The following SPATA6 variants were observed in gnomAD, a reference collection of about 807,000 sequenced individuals.
SPATA6 encodes the protein spermatogenesis-associated protein 6.
SPATA6 carries 56 observed loss-of-function variants against 65.3 expected under a neutral mutation model. The observed-to-expected ratio is 0.86, with a 90% CI of 0.69 to 1.07. The LOEUF (loss-of-function observed/expected upper bound fraction) is 1.07. Ranked by LOEUF, SPATA6 falls within the 50% of genes least tolerant of loss-of-function variation. The pLI is 0.00. For synonymous variants in SPATA6, 199 were observed against 213.2 expected (o/e 0.93, Z 0.58); for missense variants, 590 against 594.8 (o/e 0.99, Z 0.08).
intron 7 of SPATA6, among the ~76,000 whole-genome samples, chr1:48,396,962 T>A (rs1453903347): frequency 5.9e-5 from 9 of 151,648 alleles, no homozygotes; most frequent in African/African-American, 2.2e-4. Context: ...CAAATTTTTT[T>A]AAAAGACAGC....
chr1:48,411,225 A>G (rs1449528203), intron 5 of SPATA6, among the ~76,000 whole-genome samples: 2 of 152,212 alleles, frequency 1.3e-5, no homozygotes, highest in Non-Finnish European at 2.9e-5. Flanking sequence ...AGATTTCAAT[A>G]TGTTTAAGTA....
chr1:48,351,103 A>G (rs1318151778), intron 11 of SPATA6, among the ~76,000 whole-genome samples: 1 of 151,936 alleles, frequency 6.6e-6, no homozygotes, highest in East Asian at 1.9e-4. Flanking sequence ...AAGCACTTAA[A>G]TTCCTGCTGC....
At chr1:48,455,814 C>T (rs1268845767) in intron 1 of SPATA6, among the ~76,000 whole-genome samples, 2 of 152,078 alleles carry the variant, frequency 1.3e-5, no homozygotes, top group Admixed American at 1.3e-4. Context: ...AAGCTCTATC[C>T]AATTTGTAAC....
Position 48,388,837 on chromosome 1 carries a change from T to C in SPATA6, c.869-3488A>G, listed in dbSNP as rs542483196. On this transcript the variant is annotated intron_variant, in intron 8 of 12. Transcript: ENST00000371847. ...GCTTCTCCTGCCTCAGTCTCCAGAG[T>C]AGCTGGGATTAGAGGCATGTGCCAC... is the stretch of plus-strand genomic sequence containing the variant. Among the ~76,000 whole-genome samples the C allele has an allele frequency of 3.3e-5, 5 of 152,124 alleles. No homozygotes were observed. The South Asian group carries it at 8.3e-4, about 25-fold the overall frequency.
intron 3 of SPATA6, among the ~76,000 whole-genome samples, chr1:48,439,023 A>G (rs1452151580): frequency 6.6e-6 from 1 of 152,178 alleles, no homozygotes; most frequent in East Asian, 1.9e-4. Context: ...GACAAAAGGC[A>G]TCACCCTTCC....
At chr1:48,465,031 A>G (rs754937134) in intron 1 of SPATA6, among the ~76,000 whole-genome samples, 2 of 152,204 alleles carry the variant, frequency 1.3e-5, no homozygotes, top group Non-Finnish European at 2.9e-5. Context: ...TACTAAAAAG[A>G]GCAAAAACAA....
intron 12 of SPATA6, among the ~76,000 whole-genome samples, chr1:48,302,782 C>T (rs573528189): frequency 6.6e-6 from 1 of 152,180 alleles, no homozygotes; most frequent in African/African-American, 2.4e-5. Context: ...ATAAGTAGAA[C>T]TTTATCAAGG....
intron 1 of SPATA6, among the ~76,000 whole-genome samples, chr1:48,468,701 C>A (rs1232216861): frequency 6.6e-6 from 1 of 151,286 alleles, no homozygotes; most frequent in Non-Finnish European, 1.5e-5. Context: ...AAAAAAGGAA[C>A]ATTGTGGGAA....
chr1:48,403,696 C>A (rs1651403779), intron 6 of SPATA6, 106 bp downstream of exon 6: 1 of 847,264 alleles, frequency 1.2e-6, no homozygotes, highest in Non-Finnish European at 1.8e-6. Context: ...ATTGACCCCC[C>A]AAAAAGTGAA....
At chr1:48,282,835 A>T in the SPATA6 span, among the ~76,000 whole-genome samples, 3 of 152,204 alleles carry the variant, frequency 2.0e-5, no homozygotes, top group African/African-American at 7.2e-5. Context: ...ATTACTCGGT[A>T]TATACCCAAA....
At chr1:48,403,113 C>G (rs1254355918) in intron 6 of SPATA6, among the ~76,000 whole-genome samples, 1 of 152,068 alleles carries the variant, frequency 6.6e-6, no homozygotes, top group Non-Finnish European at 1.5e-5. Flanking sequence ...GAGGTCAAAG[C>G]TGCATGCCAC....
At chr1:48,277,872 G>A in the SPATA6 span, among the ~76,000 whole-genome samples, 2 of 152,244 alleles carry the variant, frequency 1.3e-5, no homozygotes, top group African/African-American at 2.4e-5. Flanking sequence ...TGGGCAGACT[G>A]CCTCCTCAAG....
At chr1:48,325,072 A>G (rs149334112) in intron 11 of SPATA6, 321 of 370,000 alleles carry the variant, frequency 8.7e-4, no homozygotes, top group African/African-American at 6.4e-3. Context: ...TCCATGACCA[A>G]AAATATCATA....
chr1:48,447,650 G>A (rs1306539925), intron 3 of SPATA6, among the ~76,000 whole-genome samples: 1 of 152,114 alleles, frequency 6.6e-6, no homozygotes, highest in Non-Finnish European at 1.5e-5. Context: ...TCATAGGATA[G>A]GCCACAAACA....
intron 11 of SPATA6, among the ~76,000 whole-genome samples, chr1:48,313,174 A>G (rs540711922): frequency 6.6e-6 from 1 of 152,302 alleles, no homozygotes; most frequent in African/African-American, 2.4e-5. Flanking sequence ...CTGACATTCA[A>G]ATTCAGGAAA....
At chr1:48,316,604 T>C (rs574255913) in intron 11 of SPATA6, among the ~76,000 whole-genome samples, 3 of 152,212 alleles carry the variant, frequency 2.0e-5, no homozygotes, top group African/African-American at 7.2e-5. Flanking sequence ...GGCAATACCA[T>C]TCAGGACATA....
chr1:48,451,703 A>C, intron 2 of SPATA6, 103 bp from the exon 3 acceptor site: 1 of 1,125,706 alleles, frequency 8.9e-7, no homozygotes, highest in Non-Finnish European at 1.3e-6. Flanking sequence ...GAAACTTTTG[A>C]CATTATTGAG....
At chr1:48,302,142 G>A (rs569251524) in intron 12 of SPATA6, among the ~76,000 whole-genome samples, 307 of 152,260 alleles carry the variant, frequency 2.0e-3, no homozygotes, top group African/African-American at 7.0e-3. Flanking sequence ...TGCCTGGACT[G>A]ATATTGTGAA....
chr1:48,318,088 A>G (rs1645492062), intron 11 of SPATA6, among the ~76,000 whole-genome samples: 2 of 152,224 alleles, frequency 1.3e-5, no homozygotes, highest in Admixed American at 6.5e-5. Flanking sequence ...AAAGCATTTG[A>G]CAAATACCAA....
Sources: gnomAD v4.1 joint callset for allele counts (sites outside exome capture counted in the v4.1 genomes callset) on GRCh38, gnomAD v4.1.1 for gene constraint, MANE v1.5 for transcripts, NCBI Gene and HGNC (gene_info 2026-07-23, HGNC 2026-07-21) for gene names.